ABR: variants seen among roughly 807,000 people sequenced by gnomAD.
ABR encodes active breakpoint cluster region-related protein.
Under a neutral mutation model 107.2 loss-of-function variants are expected in ABR, and 35 were observed. The ratio of observed to expected loss-of-function variants is 0.33; its 90% CI spans 0.25 to 0.43. The LOEUF (loss-of-function observed/expected upper bound fraction) is 0.43, where lower values mean the gene tolerates loss of function less well. ABR is among the 20% of genes least tolerant of loss of function. ABR has a pLI of 1.00. For missense variants in ABR, 815 were observed against 1,115.2 expected, an observed-to-expected ratio of 0.73 and a Z score of 3.83; for synonymous variants, 498 against 462.0, an observed-to-expected ratio of 1.08 and a Z score of -1.00.
intron 16 of ABR, among the ~76,000 whole-genome samples, chr17:1,045,091 G>A (rs2031354339): frequency 6.6e-6 from 1 of 152,196 alleles, no homozygotes; most frequent in Non-Finnish European, 1.5e-5. Flanking sequence ...CCTCAAGAAG[G>A]GAAAAGGCAC....
At chr17:1,028,156 T>C (rs921560644) in intron 16 of ABR, among the ~76,000 whole-genome samples, 12 of 152,032 alleles carry the variant, frequency 7.9e-5, no homozygotes, top group East Asian at 1.9e-4. Flanking sequence ...AGTGGCATGA[T>C]CTCGGCTCAC....
chr17:1,062,134 C>G (rs562172809), intron 10 of ABR, among the ~76,000 whole-genome samples: 109 of 152,220 alleles, frequency 7.2e-4, no homozygotes, highest in African/African-American at 2.6e-3. Flanking sequence ...CCAAACCGCT[C>G]CAGGCCCTTC....
intron 1 of ABR, among the ~76,000 whole-genome samples, chr17:1,172,617 C>T (rs1449557831): frequency 6.6e-6 from 1 of 152,028 alleles, no homozygotes; most frequent in Admixed American, 6.5e-5. Flanking sequence ...GGTGTGGTGG[C>T]ACATGCCTGT....
At position 1,196,946 on chromosome 17, in the gene ABR, G is replaced by A. The variant is rs557524656; in HGVS notation, c.838+31847C>T. 9.9e-5 allele frequency among the ~76,000 whole-genome samples: 15 copies of A among 151,758 alleles called. No individual in the cohort carries two copies. In the South Asian group the frequency reaches 2.3e-3, roughly 23 times the overall value. On this transcript the variant is annotated intron_variant, in intron 1 of 22. Coordinates refer to the ABR transcript ENST00000574139. ...CCTGACCTCGTGATCCATCCGCCTC[G>A]GCCTCCCAAAGTGCTGGGATGACAG...
chr17:1,072,093 G>A (rs1267300949), intron 8 of ABR, among the ~76,000 whole-genome samples: 5 of 152,152 alleles, frequency 3.3e-5, no homozygotes, highest in East Asian at 1.9e-4. Flanking sequence ...TAGTAAAGAC[G>A]GGGCTTCACC....
chr17:1,209,734 T>G (rs2042866876), intron 1 of ABR, among the ~76,000 whole-genome samples: 1 of 152,256 alleles, frequency 6.6e-6, no homozygotes, highest in African/African-American at 2.4e-5. Flanking sequence ...TAATACTTGG[T>G]GACGTGGACA....
rs775972282 is a variant in ABR, at chr17:1,105,828, C to T, written c.247-5093G>A. Among the ~76,000 whole-genome samples the T allele has an allele frequency of 7.9e-5, 12 of 151,618 alleles. 1 individual carries two copies. In the Middle Eastern group the frequency reaches 0.01, roughly 129 times the overall value. ...CCACAGAGAGCCATGATTGTGCCAT[C>T]GCACTCCAGCCTGGGTGACAGAGTG... On this transcript the variant is annotated intron_variant, in intron 2 of 22. Transcript: ENST00000302538.
chr17:1,106,770 T>C (rs2038281107), intron 2 of ABR, among the ~76,000 whole-genome samples: 1 of 152,172 alleles, frequency 6.6e-6, no homozygotes. Context: ...CCTCAGGTGA[T>C]CCGCCCACCT....
At chr17:1,087,090 A>G (rs1226411052) in intron 4 of ABR, among the ~76,000 whole-genome samples, 1 of 152,156 alleles carries the variant, frequency 6.6e-6, no homozygotes, top group African/African-American at 2.4e-5. Flanking sequence ...GTGACGCTGT[A>G]TTTTCTTCAT....
Position 1,033,588 on chromosome 17 carries a change from T to G in ABR, c.1791+16462A>C, listed in dbSNP as rs930572825. Among the ~76,000 whole-genome samples the G allele has an allele frequency of 2.0e-5, 3 of 152,332 alleles. No individual in the cohort carries two copies. The East Asian group carries it at 5.8e-4, about 29-fold the overall frequency. Reference sequence around the variant, plus strand: ...GGTGGAGGGGGGCCTTGGGGCGTCCTGCCTGGGCTAGAACCGGGCCTCAGT... The same window carrying G: ...GGTGGAGGGGGGCCTTGGGGCGTCCGGCCTGGGCTAGAACCGGGCCTCAGT... On this transcript the variant is annotated intron_variant, in intron 16 of 22. Coordinates refer to ENST00000302538, the MANE Select transcript of ABR (RefSeq NM_021962.5).
chr17:1,049,106 G>A (rs1008901620), intron 16 of ABR, among the ~76,000 whole-genome samples: 1 of 152,146 alleles, frequency 6.6e-6, no homozygotes, highest in Non-Finnish European at 1.5e-5. Context: ...GACACAGGCT[G>A]CACACACAGA....
intron 16 of ABR, among the ~76,000 whole-genome samples, chr17:1,038,186 C>T (rs1247254269): frequency 6.6e-6 from 1 of 152,170 alleles, no homozygotes; most frequent in Non-Finnish European, 1.5e-5. Flanking sequence ...GAATCTGAGG[C>T]ACACCTCAGC....
chr17:1,177,307 C>T (rs975461545), intron 1 of ABR, among the ~76,000 whole-genome samples: 1 of 152,206 alleles, frequency 6.6e-6, no homozygotes, highest in South Asian at 2.1e-4. Flanking sequence ...TACAGCTCTC[C>T]ACTAAGCTGT....
Position 1,100,663 on chromosome 17 carries a change from T to C in ABR, c.319A>G (p.Ile107Val). The change falls in exon 3 of 23, where the codon ATT becomes GTT. Residue 107 changes from isoleucine (I) to valine (V), a missense_variant. Around this residue, in one of 5 missense-constraint regions of ABR, gnomAD observed 385 missense variants for 596.9 expected, o/e 0.64. Transcript: ENST00000302538. ...AGCAACAGGGCTTCCAGCTGGTTAA[T>C]GTAGATCTCTTCGCTGGCCAAGAAC... ...SGFLASEEIYINQLEALLLPM... is the reference protein window; with the variant it reads ...SGFLASEEIYVNQLEALLLPM... 1 of 1,614,204 alleles carries C rather than the reference T, an allele frequency of 6.2e-7. No individual in the cohort carries two copies.
At chr17:1,106,384 C>T in intron 2 of ABR, among the ~76,000 whole-genome samples, 1 of 151,456 alleles carries the variant, frequency 6.6e-6, no homozygotes, top group East Asian at 2.0e-4. Flanking sequence ...CTCTGCAGCC[C>T]AGGACAGGAG....
chr17:1,145,209 T>G (rs1567822224), intron 1 of ABR, among the ~76,000 whole-genome samples: 1 of 152,148 alleles, frequency 6.6e-6, no homozygotes, highest in Non-Finnish European at 1.5e-5. Flanking sequence ...GCTCAGTAAC[T>G]GCTGGCTGAG....
chr17:1,191,143 C>T (rs2042422621), upstream of ABR, among the ~76,000 whole-genome samples: 2 of 152,104 alleles, frequency 1.3e-5, no homozygotes, highest in African/African-American at 4.8e-5. Context: ...GTTCCCGTCA[C>T]CAAAACAAAG....
upstream of ABR, among the ~76,000 whole-genome samples, chr17:1,192,035 A>G (rs1035170320): frequency 1.3e-5 from 2 of 152,164 alleles, no homozygotes; most frequent in African/African-American, 4.8e-5. Context: ...GAAGAGATGT[A>G]AGTCCCAGGC....
chr17:1,214,524 G>A (rs978518083), intron 1 of ABR, among the ~76,000 whole-genome samples: 3 of 152,142 alleles, frequency 2.0e-5, no homozygotes, highest in African/African-American at 4.8e-5. Context: ...GATCCTGGCC[G>A]GGTGCAGTGG....
Sources: gnomAD v4.1 joint callset for allele counts (sites outside exome capture counted in the v4.1 genomes callset) on GRCh38, gnomAD v4.1.1 for gene constraint, gnomAD v4.1.1 regional missense constraint, MANE v1.5 for transcripts, NCBI Gene and HGNC (gene_info 2026-07-23, HGNC 2026-07-21) for gene names.